Variants in HNRNPK observed in about 807,000 individuals in gnomAD.
The protein encoded by HNRNPK is dC-stretch binding protein.
HNRNPK carries 7 observed loss-of-function variants against 67.0 expected under a neutral mutation model. The ratio of observed to expected loss-of-function variants is 0.10; its 90% CI spans 0.06 to 0.20. The LOEUF is 0.20. HNRNPK is among the 10% of genes least tolerant of loss of function. The pLI, the probability that HNRNPK is intolerant of heterozygous loss-of-function variation, is 1.00. For missense variants in HNRNPK, 264 were observed against 606.5 expected (o/e 0.44, Z 5.93); for synonymous variants, 213 against 193.7 (o/e 1.10, Z -0.83).
intron 1 of HNRNPK, among the ~76,000 whole-genome samples, chr9:83,979,719 C>T (rs1214759933): frequency 6.6e-6 from 1 of 151,990 alleles, no homozygotes. Flanking sequence ...AGGTCTCATC[C>T]CCCGCATCCT....
Position 83,971,030 on chromosome 9 carries a change from C to G in HNRNPK, c.1093-118G>C. 3 of 1,033,696 alleles carry G rather than the reference C, an allele frequency of 2.9e-6. No individual in the cohort carries two copies. In the Admixed American group the frequency reaches 5.9e-5, roughly 20 times the overall value. 64.0% of individuals were successfully genotyped at this position (1,033,696 alleles called of 1,614,324 possible). ...CTATGTTGCCCAGGCTGGTCTCAAA[C>G]TCTCGGGCTCAAGTGATCCTCCTGC... is the stretch of plus-strand genomic sequence containing the variant. On this transcript the variant is annotated intron_variant, in intron 13 of 16. Coordinates refer to ENST00000376263, the MANE Select transcript of HNRNPK (RefSeq NM_031263.4).
rs1453391265 is a variant in HNRNPK at position 83,972,169 on chromosome 9, T to C, written c.666A>G (p.Ala222=). 6.2e-7 allele frequency: 1 copy of C among 1,604,298 alleles called. No individual in the cohort carries two copies. The highest frequency in any genetic ancestry group is 1.1e-5 in the South Asian group (1 of 90,038). ...LISESPIKGR[A]QPYDPNFYDE... is the part of the protein sequence containing the mutation. Reference sequence around the variant, plus strand: ...CGTAAAAATTGGGATCATAAGGCTGTGCACGTCCTTTGATGGGAGACTAAA... The same window carrying C: ...CGTAAAAATTGGGATCATAAGGCTGCGCACGTCCTTTGATGGGAGACTAAA... Residue 222 remains alanine (A), a synonymous_variant, in exon 11 of 17, where the codon GCA becomes GCG. Coordinates refer to ENST00000376263, the MANE Select transcript of HNRNPK (RefSeq NM_031263.4).
Position 83,978,468 on chromosome 9 carries a change from C to T in HNRNPK, c.-107-16G>A, listed in dbSNP as rs1011931228. On this transcript the variant is annotated splice_polypyrimidine_tract_variant and intron_variant, in intron 1 of 16. Coordinates refer to ENST00000376263, the MANE Select transcript of HNRNPK (RefSeq NM_031263.4). ...CTGCAGTAGCCTATAAGAACCAACA[C>T]AAATCAGTTTTGCTTTTGTTTATTC... is the stretch of plus-strand genomic sequence containing the variant. The T allele has an allele frequency of 7.8e-6, 7 of 897,628 alleles. No individual in the cohort carries two copies. The highest frequency in any genetic ancestry group is 1.7e-5 in the African/African-American group (1 of 57,850). 55.6% of individuals were successfully genotyped at this position (897,628 alleles called of 1,614,324 possible). A position where few individuals can be genotyped will look rare whatever the true frequency, so the allele number is the denominator to read the frequency against.
Position 83,976,978 on chromosome 9 carries a change from A to C in HNRNPK, c.213+17T>G, listed in dbSNP as rs200032858. On this transcript the variant is annotated intron_variant, in intron 5 of 16. Transcript: ENST00000376263. ...ACTGAAGCTGCTCGTGTAGTAGTTT[A>C]AACTCTTAATACTTACGTCTGTACG... The C allele has an allele frequency of 5.0e-5, 77 of 1,538,172 alleles. 2 individuals carry two copies. The East Asian group carries it at 1.7e-3, about 35-fold the overall frequency.
intron 2 of HNRNPK, 42 bp downstream of exon 2, chr9:83,978,331 T>TA (rs55698797): frequency 0.014 from 17,216 of 1,267,002 alleles, 4 homozygotes; most frequent in East Asian, 0.015. Flanking sequence ...AAGCAAGCTG[T>TA]AAAAAAAAAA....
intron 4 of HNRNPK, 40 bp downstream of exon 4, chr9:83,977,649 G>T: frequency 8.2e-7 from 1 of 1,221,402 alleles, no homozygotes; most frequent in Non-Finnish European, 1.2e-6. Context: ...TTCTACCTGA[G>T]TATGAACCAC....
At chr9:83,974,421 A>G (rs1186305341) in intron 7 of HNRNPK, 96 bp downstream of exon 7, 2 of 599,492 alleles carry the variant, frequency 3.3e-6, no homozygotes, top group South Asian at 4.1e-5. Context: ...TGTCATATCC[A>G]TTGTCTCTCC....
chr9:83,976,884 A>C, intron 5 of HNRNPK, 111 bp downstream of exon 5: 1 of 635,840 alleles, frequency 1.6e-6, no homozygotes, highest in Non-Finnish European at 2.7e-6. Flanking sequence ...AATTATTACA[A>C]ATGTCTTTGT....
At chr9:83,973,840 T>C (rs911757711) in intron 8 of HNRNPK, 62 bp downstream of exon 8, 56 of 1,230,344 alleles carry the variant, frequency 4.6e-5, no homozygotes, top group East Asian at 2.6e-4. Flanking sequence ...ATGTTAAAAA[T>C]ATAATCGATC....
rs781279972 is a variant in HNRNPK, at chr9:83,973,409, G to A, written c.403-10C>T. On this transcript the variant is annotated splice_polypyrimidine_tract_variant and intron_variant, in intron 8 of 16. Coordinates refer to ENST00000376263, the MANE Select transcript of HNRNPK (RefSeq NM_031263.4). The stretch of plus-strand genomic sequence containing the variant: ...CTTTATAGTGTTGGTACTGTGGAGG[G>A]AGAATTATAAAATTTTAGTCTCAAA... 1.3e-5 allele frequency: 20 copies of A among 1,488,406 alleles called. No homozygotes were observed. The highest frequency in any genetic ancestry group is 9.0e-5 in the East Asian group (4 of 44,320). The allele number at this position is 1,488,406 out of a possible 1,614,324, so 92.2% of individuals were successfully genotyped here.
At chr9:83,973,670 T>C (rs1397187414) in intron 8 of HNRNPK, among the ~76,000 whole-genome samples, 1 of 152,198 alleles carries the variant, frequency 6.6e-6, no homozygotes, top group East Asian at 1.9e-4. Flanking sequence ...ACAAAATTAT[T>C]ATTAACATTC....
chr9:83,977,960 G>T (rs888603344), intron 3 of HNRNPK, among the ~76,000 whole-genome samples, 174 bp from the exon 4 acceptor site: 1 of 152,060 alleles, frequency 6.6e-6, no homozygotes, highest in Non-Finnish European at 1.5e-5. Flanking sequence ...ACAAAATACT[G>T]CCACAAAATA....
intron 15 of HNRNPK, 71 bp downstream of exon 15, chr9:83,970,665 TA>T (rs1956788281): frequency 3.8e-6 from 4 of 1,054,842 alleles, no homozygotes; most frequent in Non-Finnish European, 5.8e-6. Flanking sequence ...CCTTCTGAAT[TA>T]AAAAATATAC....
chr9:83,977,093 T>G (rs1244115919), intron 4 of HNRNPK, 42 bp from the exon 5 acceptor site: 2 of 1,349,784 alleles, frequency 1.5e-6, no homozygotes, highest in Non-Finnish European at 2.1e-6. Flanking sequence ...TGCCTTTCCC[T>G]AAAATTAATA....
At chr9:83,978,142 G>A (rs890986957) in intron 3 of HNRNPK, 53 bp downstream of exon 3, 4 of 1,177,524 alleles carry the variant, frequency 3.4e-6, no homozygotes, top group African/African-American at 1.5e-5. Context: ...ACAGAAAAAG[G>A]CAATTTATTA....
chr9:83,974,508 T>C lies in HNRNPK; in HGVS notation c.330+9A>G. 1 of 1,419,192 alleles carries C rather than the reference T, an allele frequency of 7.0e-7. No homozygotes were observed. The highest frequency in any genetic ancestry group is 9.8e-7 in the Non-Finnish European group (1 of 1,017,516). The allele number at this position is 1,419,192 out of a possible 1,614,324, so 87.9% of individuals were successfully genotyped here. A position where few individuals can be genotyped will look rare whatever the true frequency, so the allele number is the denominator to read the frequency against. The stretch of plus-strand genomic sequence containing the variant: ...ATTGTCAAATACATTTAAAAAAAAA[T>C]GAGCCTACCTCTTCCAAGGTAGGGA... On this transcript the variant is annotated intron_variant, in intron 7 of 16. Coordinates refer to ENST00000376263, the MANE Select transcript of HNRNPK (RefSeq NM_031263.4).
upstream of HNRNPK, chr9:83,980,601 CCCT>C (rs1360935292): frequency 1.3e-5 from 2 of 153,080 alleles, no homozygotes; most frequent in Admixed American, 6.5e-5. Context: ...GCCTGGAGCG[CCCT>C]CCTCCTTTCT....
chr9:83,976,936 T>C, intron 5 of HNRNPK, 59 bp downstream of exon 5: 1 of 935,912 alleles, frequency 1.1e-6, no homozygotes, highest in Middle Eastern at 2.3e-4. Flanking sequence ...AATCTTTAAA[T>C]TTCTATAGAC....
intron 6 of HNRNPK, among the ~76,000 whole-genome samples, chr9:83,974,912 A>G (rs1008715543): frequency 6.6e-6 from 1 of 152,220 alleles, no homozygotes; most frequent in African/African-American, 2.4e-5. Context: ...AGTTAAGGAT[A>G]CCCTTGCTGT....
Sources: gnomAD v4.1 joint callset for allele counts (sites outside exome capture counted in the v4.1 genomes callset) on GRCh38, gnomAD v4.1.1 for gene constraint, MANE v1.5 for transcripts, NCBI Gene and HGNC (gene_info 2026-07-23, HGNC 2026-07-21) for gene names.